Variants in SESTD1 observed in about 807,000 individuals in gnomAD.
The protein encoded by SESTD1 is SEC14 domain and spectrin repeat-containing protein 1.
SESTD1 carries 43 observed loss-of-function variants against 101.7 expected under a neutral mutation model. The ratio of observed to expected loss-of-function variants is 0.42; its 90% CI spans 0.33 to 0.55. The LOEUF (loss-of-function observed/expected upper bound fraction) is 0.55. Ranked by LOEUF, SESTD1 falls within the 20% of genes least tolerant of loss-of-function variation. The probability of loss-of-function intolerance (pLI) is 0.07; values close to 1 mark genes in which losing one functional copy is unlikely to be tolerated. For synonymous variants in SESTD1, 283 were observed against 286.8 expected (o/e 0.99, Z 0.13); for missense variants, 647 against 815.1 (o/e 0.79, Z 2.51).
chr2:179,200,553 G>A (rs2046491640), intron 1 of SESTD1, among the ~76,000 whole-genome samples: 1 of 152,012 alleles, frequency 6.6e-6, no homozygotes, highest in Admixed American at 6.5e-5. Flanking sequence ...AAAACAGCAT[G>A]GTACTGGTAC....
At chr2:179,162,794 G>A (rs960020160) in intron 5 of SESTD1, among the ~76,000 whole-genome samples, 3 of 148,352 alleles carry the variant, frequency 2.0e-5, no homozygotes, top group African/African-American at 7.5e-5. Flanking sequence ...AGATCAGCCT[G>A]GCCAACATGG....
At chr2:179,116,569 C>T (rs1251171050) in intron 15 of SESTD1, 99 bp downstream of exon 15, 1 of 1,570,320 alleles carries the variant, frequency 6.4e-7, no homozygotes, top group African/African-American at 1.4e-5. Context: ...AATAACAAAA[C>T]TAACCTTCTT....
intron 5 of SESTD1, among the ~76,000 whole-genome samples, chr2:179,163,191 C>G (rs2045772055): frequency 6.6e-6 from 1 of 152,112 alleles, no homozygotes; most frequent in African/African-American, 2.4e-5. Flanking sequence ...CCACAGCTTA[C>G]AAATTACTAG....
chr2:179,132,731 A>G (rs2045039834), intron 9 of SESTD1, among the ~76,000 whole-genome samples: 1 of 152,220 alleles, frequency 6.6e-6, no homozygotes, highest in Non-Finnish European at 1.5e-5. Context: ...AACTTACGAA[A>G]AGAGAATCAG....
At chr2:179,179,716 T>C (rs1018779403) in intron 3 of SESTD1, among the ~76,000 whole-genome samples, 2 of 152,182 alleles carry the variant, frequency 1.3e-5, no homozygotes, top group Non-Finnish European at 2.9e-5. Context: ...ATGACACACA[T>C]CACATCACTC....
chr2:179,131,878 T>C (rs1222944162), intron 10 of SESTD1, among the ~76,000 whole-genome samples: 1 of 152,188 alleles, frequency 6.6e-6, no homozygotes. Context: ...GGACTTACTC[T>C]CCATCAGTTG....
intron 1 of SESTD1, among the ~76,000 whole-genome samples, chr2:179,213,935 C>T (rs554412751): frequency 2.2e-5 from 3 of 134,302 alleles, no homozygotes; most frequent in Non-Finnish European, 3.2e-5. Flanking sequence ...AATGCTGAGA[C>T]ATTTTGTCAC....
At chr2:179,149,452 A>G in intron 6 of SESTD1, 58 bp from the exon 7 acceptor site, 1 of 1,186,650 alleles carries the variant, frequency 8.4e-7, no homozygotes, top group Non-Finnish European at 1.2e-6. Context: ...ATATGTAATA[A>G]GGATTGTCAG....
intron 1 of SESTD1, among the ~76,000 whole-genome samples, chr2:179,228,196 G>C (rs939023228): frequency 1.3e-5 from 2 of 152,154 alleles, no homozygotes; most frequent in African/African-American, 2.4e-5. Flanking sequence ...TAACATGACA[G>C]ACATCAAATA....
At position 179,212,456 on chromosome 2, in the gene SESTD1, C is replaced by T. The variant is rs1014393412; in HGVS notation, c.-25-20590G>A. ...GCCTGGCTGGGGGAGGGGTGTCCAC[C>T]ATTGCTGAAGCTTAAGTAGGTAAAC... On this transcript the variant is annotated intron_variant, in intron 1 of 17. Transcript: ENST00000428443. Among the ~76,000 whole-genome samples, 2 of 135,916 alleles carry T rather than the reference C, an allele frequency of 1.5e-5. 1 individual carries two copies. The highest frequency in any genetic ancestry group is 5.8e-5 in the African/African-American group (2 of 34,600). 89.2% of individuals were successfully genotyped at this position (135,916 alleles called of 152,430 possible). A position where few individuals can be genotyped will look rare whatever the true frequency, so the allele number is the denominator to read the frequency against.
At chr2:179,132,481 T>C in intron 9 of SESTD1, 55 bp from the exon 10 acceptor site, 1 of 1,526,082 alleles carries the variant, frequency 6.6e-7, no homozygotes, top group Non-Finnish European at 8.7e-7. Flanking sequence ...TTTTCAAACT[T>C]TCATTCTAAC....
intron 1 of SESTD1, among the ~76,000 whole-genome samples, chr2:179,192,407 T>C (rs2046331957): frequency 6.6e-6 from 1 of 152,202 alleles, no homozygotes; most frequent in South Asian, 2.1e-4. Flanking sequence ...TACCACATCT[T>C]ATCCTGTTTA....
At chr2:179,250,665 G>A (rs1005027292) in intron 1 of SESTD1, among the ~76,000 whole-genome samples, 1 of 150,312 alleles carries the variant, frequency 6.7e-6, no homozygotes, top group Non-Finnish European at 1.5e-5. Flanking sequence ...ATGGATTAGG[G>A]GCCACTCTAA....
Position 179,105,289 on chromosome 2 carries a change from T to G in SESTD1, c.*4610A>C, listed in dbSNP as rs2044356800. ...CTAATATCCAATCCTAGTATGATTT[T>G]CTTTTACTTGTGTCTATTAACAGGG... On this transcript the variant is annotated 3_prime_UTR_variant, in exon 18 of 18. Transcript: ENST00000428443. 6.6e-6 allele frequency: 1 copy of G among 152,096 alleles called. No homozygotes were observed. The highest frequency in any genetic ancestry group is 1.5e-5 in the Non-Finnish European group (1 of 68,014). The allele number at this position is 152,096 out of a possible 1,614,324, so 9.4% of individuals were successfully genotyped here.
In SESTD1 at chr2:179,264,484, G is replaced by T. The variant is rs1340592001; in HGVS notation, c.-26+15C>A. On this transcript the variant is annotated intron_variant, in intron 1 of 17. Transcript: ENST00000428443. ...CGCGCTTCTCCCGCCCGGGCCGAGCGGCGGCCACACTCACCTGGCTGGCGC... is the reference window on the plus strand; with the variant it reads ...CGCGCTTCTCCCGCCCGGGCCGAGCTGCGGCCACACTCACCTGGCTGGCGC... 6.6e-6 allele frequency: 1 copy of T among 150,626 alleles called. No individual in the cohort carries two copies. The highest frequency in any genetic ancestry group is 1.5e-5 in the Non-Finnish European group (1 of 67,268). 9.3% of individuals were successfully genotyped at this position (150,626 alleles called of 1,614,324 possible).
At chr2:179,162,822 TAAAA>T (rs33960106) in intron 5 of SESTD1, among the ~76,000 whole-genome samples, 5 of 136,998 alleles carry the variant, frequency 3.6e-5, no homozygotes, top group Non-Finnish European at 1.6e-5. Flanking sequence ...TCGTCTCTAG[TAAAA>T]AAAAAAAAAA....
At chr2:179,183,906 T>A (rs1345179970) in intron 2 of SESTD1, among the ~76,000 whole-genome samples, 1 of 98,742 alleles carries the variant, frequency 1.0e-5, no homozygotes, top group African/African-American at 4.1e-5. Flanking sequence ...GGAAGGGAGG[T>A]AGGGAGGGAG....
chr2:179,231,425 TAA>T lies in SESTD1; in HGVS notation c.-26+33072_-26+33073del, dbSNP rs533838395. Among the ~76,000 whole-genome samples, 6 of 151,146 alleles carry T rather than the reference TAA, an allele frequency of 4.0e-5. No individual in the cohort carries two copies. The South Asian group carries it at 1.3e-3, about 32-fold the overall frequency. Reference sequence around the variant, plus strand: ...AACAACATAATAGATAGTATAAACTTAAATAAGAAAACAAAGAAATGAGGACA... The same window carrying T: ...AACAACATAATAGATAGTATAAACTTATAAGAAAACAAAGAAATGAGGACA... On this transcript the variant is annotated intron_variant, in intron 1 of 17. Coordinates refer to ENST00000428443, the MANE Select transcript of SESTD1 (RefSeq NM_178123.5).
chr2:179,117,974 G>A (rs1474105899), intron 13 of SESTD1, among the ~76,000 whole-genome samples: 1 of 152,026 alleles, frequency 6.6e-6, no homozygotes, highest in East Asian at 1.9e-4. Flanking sequence ...CTCAAATACA[G>A]GATGATATTT....
Sources: allele counts gnomAD v4.1 joint callset (sites outside exome capture counted in the v4.1 genomes callset), GRCh38; gene constraint gnomAD v4.1.1; transcripts MANE v1.5; gene names NCBI Gene and HGNC (gene_info 2026-07-23, HGNC 2026-07-21).